The following RASSF3 variants were observed in gnomAD, a reference collection of about 807,000 sequenced individuals.
RASSF3 encodes the protein Ras association domain family member 3.
Under a neutral mutation model 19.9 loss-of-function variants are expected in RASSF3, and 19 were observed. The ratio of observed to expected loss-of-function variants is 0.96; its 90% CI spans 0.67 to 1.40. The LOEUF (loss-of-function observed/expected upper bound fraction) is 1.40, where lower values mean the gene tolerates loss of function less well. Among genes scored for constraint, RASSF3 ranks in the 40% most tolerant of loss-of-function variants. RASSF3 has a pLI of 0.00. For missense variants in RASSF3, 306 were observed against 289.8 expected (o/e 1.06, Z -0.41); for synonymous variants, 110 against 104.2 (o/e 1.06, Z -0.34).
At chr12:64,615,805 C>T (rs1388869034) in intron 1 of RASSF3, among the ~76,000 whole-genome samples, 1 of 151,782 alleles carries the variant, frequency 6.6e-6, no homozygotes, top group Non-Finnish European at 1.5e-5. Flanking sequence ...TCCCGAGTAG[C>T]TGGGATTACA....
intron 2 of RASSF3, among the ~76,000 whole-genome samples, chr12:64,686,395 G>T (rs147956309): frequency 0.011 from 1,639 of 152,224 alleles, 27 homozygotes; most frequent in African/African-American, 0.038. Flanking sequence ...GGCAGATCAC[G>T]AGGTCAGGAG....
chr12:64,558,117 A>G (rs974860329), intron 2 of RASSF3, among the ~76,000 whole-genome samples: 1 of 152,190 alleles, frequency 6.6e-6, no homozygotes, highest in Non-Finnish European at 1.5e-5. Flanking sequence ...TGCTCAAGGA[A>G]TAGTGCCATA....
chr12:64,543,720 G>C (rs1868997788), downstream of RASSF3, among the ~76,000 whole-genome samples: 1 of 151,424 alleles, frequency 6.6e-6, no homozygotes, highest in South Asian at 2.1e-4. Flanking sequence ...GGGCTCCTGA[G>C]TCTAGTGAGG....
chr12:64,631,463 A>G (rs1871161717), intron 1 of RASSF3, among the ~76,000 whole-genome samples: 1 of 152,132 alleles, frequency 6.6e-6, no homozygotes, highest in Non-Finnish European at 1.5e-5. Flanking sequence ...TTGTCTGGCA[A>G]GGAGAGGATG....
At chr12:64,535,327 A>T (rs948750897) in intron 1 of RASSF3, among the ~76,000 whole-genome samples, 1 of 151,732 alleles carries the variant, frequency 6.6e-6, no homozygotes, top group Non-Finnish European at 1.5e-5. Flanking sequence ...AAAAAAAAAA[A>T]CAAAATAAAC....
chr12:64,515,880 T>A (rs375683397), intron 1 of RASSF3, among the ~76,000 whole-genome samples: 4 of 152,268 alleles, frequency 2.6e-5, no homozygotes, highest in African/African-American at 9.6e-5. Context: ...TAGAAACACA[T>A]GTCTTTCAGT....
At chr12:64,602,089 C>T (rs9737734) in intron 2 of RASSF3, among the ~76,000 whole-genome samples, 1,909 of 150,724 alleles carry the variant, frequency 0.013, 38 homozygotes, top group African/African-American at 0.045. Flanking sequence ...TGCACTCCAG[C>T]CTGGGTGACA....
chr12:64,619,991 AAAAAG>A (rs1247574311), intron 1 of RASSF3, among the ~76,000 whole-genome samples: 3 of 96,284 alleles, frequency 3.1e-5, no homozygotes, highest in African/African-American at 1.1e-4. Context: ...AAAAAAAAAA[AAAAAG>A]AAATTAGTGC....
At chr12:64,620,453 T>C (rs189806852) in intron 1 of RASSF3, among the ~76,000 whole-genome samples, 3 of 152,334 alleles carry the variant, frequency 2.0e-5, no homozygotes, top group Non-Finnish European at 2.9e-5. Flanking sequence ...TTTTGCGATA[T>C]ATACCCATAA....
At chr12:64,588,821 A>G (rs184543433) in intron 2 of RASSF3, among the ~76,000 whole-genome samples, 47 of 152,254 alleles carry the variant, frequency 3.1e-4, no homozygotes, top group Non-Finnish European at 5.1e-4. Context: ...GACTTTTTCC[A>G]TCCACTTGAG....
chr12:64,598,111 G>A (rs1489199929), intron 2 of RASSF3, among the ~76,000 whole-genome samples: 3 of 152,058 alleles, frequency 2.0e-5, no homozygotes, highest in Non-Finnish European at 4.4e-5. Context: ...TAGAGATGGG[G>A]TTTCACCATG....
intron 1 of RASSF3, among the ~76,000 whole-genome samples, chr12:64,511,592 T>G (rs1296623172): frequency 1.3e-5 from 2 of 152,218 alleles, no homozygotes; most frequent in African/African-American, 4.8e-5. Flanking sequence ...CTGTGTAACC[T>G]GCTCCAGGGC....
chr12:64,540,091 A>T (rs1270414444), intron 1 of RASSF3, among the ~76,000 whole-genome samples: 1 of 152,154 alleles, frequency 6.6e-6, no homozygotes, highest in Non-Finnish European at 1.5e-5. Context: ...GTTTTATCTG[A>T]AGCTTAACCC....
chr12:64,684,844 A>C lies in RASSF3; in HGVS notation c.169A>C (p.Lys57Gln), dbSNP rs1465686453. Residue 57 changes from lysine to glutamine, a missense_variant, in exon 2 of 5, where the codon AAA becomes CAA. Transcript: ENST00000542104. Reference protein sequence around the residue: ...SYLSKEEIKEKVHKYNLAVTD... With the variant: ...SYLSKEEIKEQVHKYNLAVTD... Reference sequence around the variant, plus strand: ...CCTCAGCAAAGAGGAGATCAAAGAGAAAGTTCATAAATACAACTTAGCAGT... The same window carrying C: ...CCTCAGCAAAGAGGAGATCAAAGAGCAAGTTCATAAATACAACTTAGCAGT... 3.1e-6 allele frequency: 5 copies of C among 1,613,858 alleles called. No homozygotes were observed. Among genetic ancestry groups the C allele is most frequent in the South Asian group, 2.2e-5 (2 of 91,084 alleles).
chr12:64,657,339 C>G (rs1233704559), intron 1 of RASSF3, among the ~76,000 whole-genome samples: 2 of 152,100 alleles, frequency 1.3e-5, no homozygotes, highest in East Asian at 3.9e-4. Flanking sequence ...TGAAAAAGTT[C>G]TGGAGATGGA....
At position 64,655,664 on chromosome 12, in the gene RASSF3, A is replaced by G. The variant is rs549297621; in HGVS notation, c.112-29123A>G. 2.0e-4 allele frequency among the ~76,000 whole-genome samples: 30 copies of G among 152,214 alleles called. No homozygotes were observed. The South Asian group carries it at 4.1e-3, about 21-fold the overall frequency. ...ACTTCTTTTAAATTGTTTTAATTGTATAAGATAAAAACCAAAACAAACAAA... is the reference window on the plus strand; with the variant it reads ...ACTTCTTTTAAATTGTTTTAATTGTGTAAGATAAAAACCAAAACAAACAAA... On this transcript the variant is annotated intron_variant, in intron 1 of 4. Transcript: ENST00000542104.
chr12:64,690,655 A>C (rs1016641075), intron 3 of RASSF3, among the ~76,000 whole-genome samples: 1 of 144,934 alleles, frequency 6.9e-6, no homozygotes, highest in African/African-American at 2.5e-5. Flanking sequence ...AGAAAAAAAA[A>C]TTTTTTTTTT....
At chr12:64,533,843 G>A (rs1208369652) in intron 1 of RASSF3, among the ~76,000 whole-genome samples, 1 of 152,216 alleles carries the variant, frequency 6.6e-6, no homozygotes, top group Non-Finnish European at 1.5e-5. Flanking sequence ...GAGAATTGTG[G>A]GAGGTGCCCA....
At chr12:64,579,941 A>G (rs1476086856) in intron 2 of RASSF3, among the ~76,000 whole-genome samples, 3 of 151,152 alleles carry the variant, frequency 2.0e-5, no homozygotes, top group African/African-American at 7.3e-5. Flanking sequence ...CAGCCTCCCT[A>G]GTAGCTGGGA....
Sources: gnomAD v4.1 joint callset for allele counts (sites outside exome capture counted in the v4.1 genomes callset) on GRCh38, gnomAD v4.1.1 for gene constraint, MANE v1.5 for transcripts, NCBI Gene and HGNC (gene_info 2026-07-23, HGNC 2026-07-21) for gene names.